Variants in TEX36 observed in about 807,000 individuals in gnomAD.
TEX36 encodes testis expressed 36, also known as testis-expressed protein 36.
In TEX36, 12 loss-of-function variants were observed where a neutral mutation model predicts 13.6. That is an observed-to-expected ratio of 0.88 (90% CI 0.56 to 1.43). TEX36 has a LOEUF of 1.43. Among genes scored for constraint, TEX36 ranks in the 40% most tolerant of loss-of-function variants. The probability of loss-of-function intolerance (pLI) is 0.00; values close to 1 mark genes in which losing one functional copy is unlikely to be tolerated. For synonymous variants in TEX36, 93 were observed against 83.0 expected (o/e 1.12, Z -0.65); for missense variants, 224 against 228.3 (o/e 0.98, Z 0.12).
chr10:125,638,596 A>C (rs548721883), intron 3 of TEX36, among the ~76,000 whole-genome samples: 43 of 152,358 alleles, frequency 2.8e-4, no homozygotes, highest in South Asian at 1.2e-3. Context: ...AACAAACAAA[A>C]AAAAATTTGC....
intron 1 of TEX36, among the ~76,000 whole-genome samples, chr10:125,670,046 G>T (rs184686747): frequency 6.5e-4 from 99 of 152,316 alleles, no homozygotes; most frequent in Middle Eastern, 3.4e-3. Flanking sequence ...GAATAGTGCT[G>T]CAAGAACATA....
intron 3 of TEX36, chr10:125,640,215 C>T: frequency 1.0e-6 from 1 of 985,372 alleles, no homozygotes; most frequent in Non-Finnish European, 1.2e-6. Flanking sequence ...ATGCTAGCTC[C>T]TATTTGGCAG....
chr10:125,649,617 T>C (rs1221782012), intron 3 of TEX36, among the ~76,000 whole-genome samples: 1 of 152,124 alleles, frequency 6.6e-6, no homozygotes, highest in Non-Finnish European at 1.5e-5. Flanking sequence ...TCAAACATCA[T>C]AATGACAGGA....
downstream of TEX36, among the ~76,000 whole-genome samples, chr10:125,617,669 T>A (rs901471671): frequency 3.3e-5 from 5 of 152,286 alleles, no homozygotes; most frequent in Non-Finnish European, 7.3e-5. Context: ...GTTAGTCTGA[T>A]GGGCTTCCCT....
At chr10:125,595,876 A>C (rs1426837389) in intron 3 of TEX36, among the ~76,000 whole-genome samples, 1 of 152,188 alleles carries the variant, frequency 6.6e-6, no homozygotes, top group African/African-American at 2.4e-5. Flanking sequence ...CCTACAAGGC[A>C]GGGATTTTTT....
intron 3 of TEX36, among the ~76,000 whole-genome samples, chr10:125,597,687 C>G (rs11598514): frequency 4.1e-4 from 63 of 152,142 alleles, no homozygotes; most frequent in Non-Finnish European, 8.4e-4. Context: ...GAGCCTTCAC[C>G]TGTGGCCTGG....
chr10:125,640,089 G>C (rs1284641150), intron 3 of TEX36: 1 of 900,242 alleles, frequency 1.1e-6, no homozygotes, highest in East Asian at 1.2e-4. Context: ...TATGGAACGT[G>C]GATAATGAGC....
intron 3 of TEX36, among the ~76,000 whole-genome samples, chr10:125,643,494 C>T (rs1389906953): frequency 3.3e-5 from 5 of 151,926 alleles, no homozygotes; most frequent in South Asian, 2.1e-4. Flanking sequence ...CTGTAATCCC[C>T]GCACTTTGGG....
intron 3 of TEX36, among the ~76,000 whole-genome samples, chr10:125,608,972 T>TAAAAAAA (rs35828943): frequency 2.4e-5 from 2 of 83,368 alleles, no homozygotes; most frequent in African/African-American, 4.5e-5. Flanking sequence ...CCACCTCTAC[T>TAAAAAAA]AAAAAAAAAA....
rs1221864951 is a variant in TEX36, at chr10:125,612,089, C to CTT, written c.265-35217_265-35216dup. Among the ~76,000 whole-genome samples the CTT allele has an allele frequency of 8.7e-4, 119 of 136,786 alleles. 1 individual carries two copies. The highest frequency in any genetic ancestry group is 2.6e-3 in the African/African-American group (95 of 37,080). The allele number at this position is 136,786 out of a possible 152,430, so 89.7% of individuals were successfully genotyped here. A position where few individuals can be genotyped will look rare whatever the true frequency, so the allele number is the denominator to read the frequency against. ...TTCTTTTCTTTTTCTTTTTCTTTTT[C>CTT]TTTTTTTTTTTTTTCAGACAGAGTC... On this transcript the variant is annotated intron_variant, in intron 3 of 3. Coordinates refer to the TEX36 transcript ENST00000532135.
intron 3 of TEX36, among the ~76,000 whole-genome samples, chr10:125,608,577 A>G (rs1846245883): frequency 6.6e-6 from 1 of 152,118 alleles, no homozygotes; most frequent in African/African-American, 2.4e-5. Context: ...AACTCCCTAC[A>G]TGTCTAGTGT....
At chr10:125,669,246 G>A (rs1023803542) in intron 1 of TEX36, among the ~76,000 whole-genome samples, 1 of 150,624 alleles carries the variant, frequency 6.6e-6, no homozygotes, top group African/African-American at 2.4e-5. Flanking sequence ...AGCAGAGATC[G>A]CACCACTGCC....
At chr10:125,608,273 TTGTGA>T (rs139464764) in intron 3 of TEX36, among the ~76,000 whole-genome samples, 1 of 82,022 alleles carries the variant, frequency 1.2e-5, no homozygotes, top group South Asian at 2.6e-4. Flanking sequence ...GTCCTATAGA[TTGTGA>T]TGATGGTGAT....
At chr10:125,657,850 T>C (rs1846972885) in intron 3 of TEX36, among the ~76,000 whole-genome samples, 1 of 152,154 alleles carries the variant, frequency 6.6e-6, no homozygotes, top group Admixed American at 6.5e-5. Flanking sequence ...ACCTTATTCT[T>C]GGGGAAAAGC....
At chr10:125,595,650 T>C (rs1181139464) in intron 3 of TEX36, among the ~76,000 whole-genome samples, 1 of 152,152 alleles carries the variant, frequency 6.6e-6, no homozygotes, top group African/African-American at 2.4e-5. Flanking sequence ...GGCTGAGCAC[T>C]CCTGCCTCAG....
chr10:125,651,807 T>C (rs113385057), downstream of TEX36, among the ~76,000 whole-genome samples: 2 of 152,204 alleles, frequency 1.3e-5, no homozygotes, highest in Admixed American at 1.3e-4. Flanking sequence ...AATCTCAGGA[T>C]ACAAAATCAA....
Position 125,656,036 on chromosome 10 carries a change from C to T in TEX36, c.425G>A (p.Arg142His), listed in dbSNP as rs192657555. 4.2e-4 allele frequency: 656 copies of T among 1,551,866 alleles called. 1 individual carries two copies. In the East Asian group the frequency reaches 0.011, roughly 26 times the overall value. The change falls in exon 4 of 4, where the codon CGC becomes CAC. Residue 142 changes from arginine (R) to histidine (H), a missense_variant. Coordinates refer to ENST00000368821, the MANE Select transcript of TEX36 (RefSeq NM_001128202.3). ...TATCTCTTTATAGCATCGTGGAAAG[C>T]GTCTGAAGCTTGAGACCACCATGGC... ...KEAMVVSSFR[R>H]FPRCYKEIWN...
At chr10:125,638,120 T>C (rs1412930692) in intron 3 of TEX36, among the ~76,000 whole-genome samples, 2 of 151,884 alleles carry the variant, frequency 1.3e-5, no homozygotes, top group African/African-American at 4.8e-5. Flanking sequence ...CTCAAGTTTC[T>C]TTCATCTCTT....
intron 3 of TEX36, among the ~76,000 whole-genome samples, chr10:125,590,981 C>T (rs1352728644): frequency 1.3e-5 from 2 of 152,154 alleles, no homozygotes; most frequent in African/African-American, 4.8e-5. Flanking sequence ...TTTTTCCCCA[C>T]ATGTGGCCCA....
Sources: gnomAD v4.1 joint callset for allele counts (sites outside exome capture counted in the v4.1 genomes callset) on GRCh38, gnomAD v4.1.1 for gene constraint, MANE v1.5 for transcripts, NCBI Gene and HGNC (gene_info 2026-07-23, HGNC 2026-07-21) for gene names.